Variants in CRYBA2 observed in about 807,000 individuals in gnomAD.
The protein encoded by CRYBA2 is crystallin beta A2.
A neutral mutation model predicts 18.5 loss-of-function variants in CRYBA2; 17 were observed. The ratio of observed to expected loss-of-function variants is 0.92; its 90% CI spans 0.63 to 1.38. CRYBA2 has a LOEUF of 1.38. Among genes scored for constraint, CRYBA2 ranks in the 40% most tolerant of loss-of-function variants. CRYBA2 has a pLI of 0.00. For synonymous variants in CRYBA2, 101 were observed against 106.2 expected, an observed-to-expected ratio of 0.95 and a Z score of 0.30; for missense variants, 271 against 265.0, an observed-to-expected ratio of 1.02 and a Z score of -0.16.
chr2:218,990,438 G>GCCCCCCCCCCCCCCCCCCCCTCTC, intron 3 of CRYBA2, 39 bp from the exon 4 acceptor site: 1 of 1,606,078 alleles, frequency 6.2e-7, no homozygotes, highest in South Asian at 1.1e-5. Context: ...AGTAAGCTCT[G>GCCCCCCCCCCCCCCCCCCCCTCTC]CCCCCACCCC....
chr2:218,992,657 G>T (rs1256929236), intron 1 of CRYBA2, among the ~76,000 whole-genome samples: 2 of 152,154 alleles, frequency 1.3e-5, no homozygotes, highest in Admixed American at 6.5e-5. Flanking sequence ...TGGGAGACCA[G>T]GGTGGGGCCA....
chr2:218,992,961 C>G, intron 1 of CRYBA2, 55 bp downstream of exon 1: 1 of 1,444,844 alleles, frequency 6.9e-7, no homozygotes, highest in Non-Finnish European at 9.5e-7. Flanking sequence ...GAGCCTAGGC[C>G]GGTGGAACCC....
intron 1 of CRYBA2, 46 bp downstream of exon 1, chr2:218,992,970 C>A (rs1945515621): frequency 6.6e-7 from 1 of 1,522,354 alleles, no homozygotes; most frequent in Non-Finnish European, 9.0e-7. Flanking sequence ...CCGGTGGAAC[C>A]CAGCGCCCCT....
Position 218,990,251 on chromosome 2 carries a change from C to G in CRYBA2, c.*1G>C. On this transcript the variant is annotated 3_prime_UTR_variant, in exon 4 of 4. Transcript: ENST00000295728. ...AGGGAAGGTGTCTGGGGCCGTGGAGCCTAGTGCTGGACTCTCCGGATGGAC... is the reference window on the plus strand; with the variant it reads ...AGGGAAGGTGTCTGGGGCCGTGGAGGCTAGTGCTGGACTCTCCGGATGGAC... 1.9e-6 allele frequency: 3 copies of G among 1,614,064 alleles called. No individual in the cohort carries two copies. Among genetic ancestry groups the G allele is most frequent in the Non-Finnish European group, 2.5e-6 (3 of 1,179,958 alleles).
chr2:218,993,163 G>A lies in CRYBA2; in HGVS notation c.14C>T (p.Pro5Leu). MSSA[P>L]APGPAPASLT... ...GCTGGCGGGCGCCGGGCCCGGCGCG[G>A]GGGCGCTGCTCATGCCGCTGCGGAC... The change falls in exon 1 of 4, where the codon CCC (proline) becomes CTC (leucine). Residue 5 changes from proline (P) to leucine (L), a missense_variant. By Grantham distance (98) the Pro-to-Leu change is moderately conservative. Coordinates refer to ENST00000295728, the MANE Select transcript of CRYBA2 (RefSeq NM_057093.2). The surrounding 1 kb of genome is among the most constrained non-coding windows in gnomAD (Gnocchi z 7.7). 6.2e-7 allele frequency: 1 copy of A among 1,603,606 alleles called. No homozygotes were observed. The highest frequency in any genetic ancestry group is 8.5e-7 in the Non-Finnish European group (1 of 1,176,078).
chr2:218,992,276 C>T (rs761570223), intron 1 of CRYBA2, 33 bp from the exon 2 acceptor site: 2 of 1,603,520 alleles, frequency 1.2e-6, no homozygotes, highest in Non-Finnish European at 1.7e-6. Context: ...AGGTATCTGC[C>T]CCAGCCGCAC....
intron 3 of CRYBA2, 69 bp from the exon 4 acceptor site, chr2:218,990,468 G>A (rs574001450): frequency 6.6e-7 from 1 of 1,520,050 alleles, no homozygotes; most frequent in Admixed American, 2.1e-5. Flanking sequence ...TTCTCCACCA[G>A]CAGCCCCCCT....
chr2:218,990,303 G>A lies in CRYBA2; in HGVS notation c.543C>T (p.Gly181=), dbSNP rs778892229. The A allele has an allele frequency of 1.2e-6, 2 of 1,614,172 alleles. No homozygotes were observed. Among genetic ancestry groups the A allele is most frequent in the Admixed American group, 3.3e-5 (2 of 60,018 alleles). ...SGEFCTYGEL[G]TQAHTGQLQS... is the part of the protein sequence containing the mutation. ...GCAGCTGCCCAGTGTGGGCCTGTGT[G>A]CCGAGCTCACCGTAAGTACAGAACT... Residue 181 remains glycine (G), a synonymous_variant, in exon 4 of 4, where the codon GGC becomes GGT. Transcript: ENST00000295728.
intron 2 of CRYBA2, chr2:218,991,844 G>A (rs1000017858): frequency 6.4e-6 from 3 of 471,916 alleles, no homozygotes; most frequent in East Asian, 3.8e-5. Context: ...ACGATGGAAT[G>A]TGGGGGAACC....
intron 2 of CRYBA2, 62 bp downstream of exon 2, chr2:218,992,040 T>G: frequency 6.7e-7 from 1 of 1,489,278 alleles, no homozygotes; most frequent in South Asian, 1.3e-5. Flanking sequence ...CCTTTCTAGG[T>G]GCCATGGTGA....
At chr2:218,991,211 G>A (rs1370775632) in intron 2 of CRYBA2, 4 of 574,762 alleles carry the variant, frequency 7.0e-6, no homozygotes, top group African/African-American at 1.9e-5. Flanking sequence ...ATGACTTTGA[G>A]ATAAGGAGGT....
At chr2:218,992,951 G>T in intron 1 of CRYBA2, 65 bp downstream of exon 1, 1 of 1,363,542 alleles carries the variant, frequency 7.3e-7, no homozygotes, top group Non-Finnish European at 1.0e-6. Context: ...CTGAGGCTCT[G>T]AGCCTAGGCC....
intron 2 of CRYBA2, 130 bp downstream of exon 2, chr2:218,991,972 T>C (rs991190685): frequency 2.7e-5 from 20 of 746,446 alleles, no homozygotes; most frequent in South Asian, 3.9e-5. Context: ...TGAGAAATAA[T>C]GCTACTACCA....
intron 1 of CRYBA2, 43 bp from the exon 2 acceptor site, chr2:218,992,286 C>A: frequency 1.3e-6 from 2 of 1,591,718 alleles, no homozygotes; most frequent in South Asian, 1.1e-5. Context: ...CCCAGCCGCA[C>A]CCTCTCTGCC....
chr2:218,993,408 A>C lies in CRYBA2; in HGVS notation c.-232T>G. On this transcript the variant is annotated 5_prime_UTR_variant, in exon 1 of 4. Coordinates refer to ENST00000295728, the MANE Select transcript of CRYBA2 (RefSeq NM_057093.2). This position sits in a 1 kb window ranked among gnomAD's most constrained non-coding sequence, Gnocchi z 7.7. ...TGAGCGCGGCACGCGAGGGAAATGG[A>C]CCGGCTGCGAGGCTGCGCGCGGCCG... 3 of 529,138 alleles carry C rather than the reference A, an allele frequency of 5.7e-6. No homozygotes were observed. The highest frequency in any genetic ancestry group is 9.9e-6 in the Non-Finnish European group (3 of 303,724). The allele number at this position is 529,138 out of a possible 1,614,324, so 32.8% of individuals were successfully genotyped here. A position where few individuals can be genotyped will look rare whatever the true frequency, so the allele number is the denominator to read the frequency against.
intron 2 of CRYBA2, chr2:218,991,793 C>T (rs1056721696): frequency 5.3e-6 from 2 of 379,278 alleles, no homozygotes; most frequent in Non-Finnish European, 4.7e-6. Flanking sequence ...CCCGACCTCA[C>T]ATGGCTGTGT....
intron 3 of CRYBA2, 44 bp from the exon 4 acceptor site, chr2:218,990,443 C>G (rs369927720): frequency 6.2e-7 from 1 of 1,603,576 alleles, no homozygotes; most frequent in African/African-American, 1.3e-5. Context: ...GCTCTGCCCC[C>G]ACCCCCACCC....
Position 218,993,144 on chromosome 2 carries a change from G to A in CRYBA2, c.33C>T (p.Pro11=), listed in dbSNP as rs770711386. The A allele has an allele frequency of 1.2e-6, 2 of 1,608,468 alleles. No homozygotes were observed. Among genetic ancestry groups the A allele is most frequent in the Non-Finnish European group, 1.7e-6 (2 of 1,177,876 alleles). ...CCTCGTCCCAGAGCGTGAGGCTGGC[G>A]GGCGCCGGGCCCGGCGCGGGGGCGC... MSSAPAPGPA[P]ASLTLWDEED... is the part of the protein sequence containing the mutation. Residue 11 remains proline (P), a synonymous_variant, in exon 1 of 4, where the codon CCC becomes CCT. Coordinates refer to ENST00000295728, the MANE Select transcript of CRYBA2 (RefSeq NM_057093.2). The surrounding 1 kb of genome is among the most constrained non-coding windows in gnomAD (Gnocchi z 7.7).
intron 3 of CRYBA2, 147 bp downstream of exon 3, chr2:218,990,705 G>T (rs919440659): frequency 5.8e-6 from 6 of 1,033,404 alleles, no homozygotes; most frequent in Non-Finnish European, 8.4e-6. Flanking sequence ...CTCCCTTCCA[G>T]TCTGACTCCA....
Sources: allele counts gnomAD v4.1 joint callset (sites outside exome capture counted in the v4.1 genomes callset), GRCh38; gene constraint gnomAD v4.1.1; non-coding constraint Gnocchi (gnomAD v3.1); transcripts MANE v1.5; gene names NCBI Gene and HGNC (gene_info 2026-07-23, HGNC 2026-07-21).